Variants in SPTBN5 observed in about 807,000 individuals in gnomAD.
SPTBN5 encodes spectrin beta, non-erythrocytic 5.
SPTBN5 carries 513 observed loss-of-function variants against 477.6 expected under a neutral mutation model. That is an observed-to-expected ratio of 1.07 (90% CI 1.00 to 1.16). SPTBN5 has a LOEUF of 1.16. SPTBN5 is among the 50% of genes most tolerant of loss of function. SPTBN5 has a pLI of 0.00. For synonymous variants in SPTBN5, 2,169 were observed against 2,011.7 expected, an observed-to-expected ratio of 1.08 and a Z score of -2.09; for missense variants, 5,062 against 4,731.8, an observed-to-expected ratio of 1.07 and a Z score of -2.05.
chr15:41,888,280 A>G (rs1447454710), intron 4 of SPTBN5, among the ~76,000 whole-genome samples, 195 bp from the exon 5 acceptor site: 1 of 152,212 alleles, frequency 6.6e-6, no homozygotes, highest in Non-Finnish European at 1.5e-5. Flanking sequence ...TGGGGGTGAG[A>G]GTGACTGGCC....
Position 41,853,656 on chromosome 15 carries a change from C to A in SPTBN5, c.9906G>T (p.Lys3302Asn). The change falls in exon 58 of 68, where the codon AAG becomes AAT. Residue 3302 changes from lysine to asparagine, a missense_variant. Lys to Asn is a moderately conservative substitution (Grantham distance 94). Transcript: ENST00000320955. ...CCAGCCACTGGCCTCGCTCCTGGGC[C>A]TTCGCCTGCAGGGTGGCCCAGGCCT... ...VQEAWATLQA[K>N]AQERGQWLAQ... 1.9e-6 allele frequency: 3 copies of A among 1,599,264 alleles called. No homozygotes were observed. The highest frequency in any genetic ancestry group is 4.5e-5 in the East Asian group (2 of 44,604).
rs555207594 is a variant in SPTBN5, at chr15:41,882,139, C to T, written c.2254G>A (p.Ala752Thr). The T allele has an allele frequency of 1.4e-5, 22 of 1,572,104 alleles. No individual in the cohort carries two copies. In the African/African-American group the frequency reaches 2.9e-4, roughly 21 times the overall value. Residue 752 changes from alanine (A) to threonine (T), a missense_variant, in exon 12 of 68, where the codon GCG becomes ACG. By Grantham distance (58) the Ala-to-Thr change is moderately conservative (BLOSUM62 0). Transcript: ENST00000320955. ...CACGAAGCCGCCTCCGCCGCGTCCG[C>T]GAAGTACTGTGGGAGGGGGTCGGGG... ...QTALLVLQYF[A>T]DAAEAASWLR...
At chr15:41,859,960 G>T (rs1398877972) in intron 47 of SPTBN5, among the ~76,000 whole-genome samples, 1 of 152,210 alleles carries the variant, frequency 6.6e-6, no homozygotes, top group Non-Finnish European at 1.5e-5. Flanking sequence ...GACCGTATCT[G>T]CCTTGATCTA....
chr15:41,890,618 G>C lies in SPTBN5; in HGVS notation c.385-413C>G, dbSNP rs541329972. ...TCCCAGGGTGTCCTGGGATCTTCAGGGGGTGGCTGGGTCCCTGGGCTCACA... is the reference window on the plus strand; with the variant it reads ...TCCCAGGGTGTCCTGGGATCTTCAGCGGGTGGCTGGGTCCCTGGGCTCACA... On this transcript the variant is annotated intron_variant, in intron 3 of 67. Transcript: ENST00000320955. Among the ~76,000 whole-genome samples, 12 of 152,348 alleles carry C rather than the reference G, an allele frequency of 7.9e-5. No individual in the cohort carries two copies. In the East Asian group the frequency reaches 1.5e-3, roughly 20 times the overall value.
At position 41,851,265 on chromosome 15, in the gene SPTBN5, C is replaced by A; in HGVS notation, c.10743+18G>T. The A allele has an allele frequency of 6.4e-7, 1 of 1,551,522 alleles. No individual in the cohort carries two copies. The highest frequency in any genetic ancestry group is 1.2e-5 in the South Asian group (1 of 84,102). On this transcript the variant is annotated intron_variant, in intron 64 of 67. Transcript: ENST00000320955. ...CCCAGCACCCTGATGTCTGCATCTCCCCTACCCCGCCTGGTACCTCCGCTG... is the reference window on the plus strand; with the variant it reads ...CCCAGCACCCTGATGTCTGCATCTCACCTACCCCGCCTGGTACCTCCGCTG...
Position 41,869,993 on chromosome 15 carries a change from T to C in SPTBN5, c.5701A>G (p.Arg1901Gly). 1 of 1,518,348 alleles carries C rather than the reference T, an allele frequency of 6.6e-7. No homozygotes were observed. Among genetic ancestry groups the C allele is most frequent in the African/African-American group, 1.4e-5 (1 of 71,604 alleles). 94.1% of individuals were successfully genotyped at this position (1,518,348 alleles called of 1,614,324 possible). A position where few individuals can be genotyped will look rare whatever the true frequency, so the allele number is the denominator to read the frequency against. ...QLQELLETAG[R>G]VQKLCPGPQA... ...GGCCCCGGACACAGCTTCTGCACCC[T>C]GCCTGCAGTCTCCAGCAGTTCCTGC... Residue 1901 changes from arginine (R) to glycine (G), a missense_variant, in exon 32 of 68, where the codon AGG (arginine) becomes GGG (glycine). Coordinates refer to ENST00000320955, the MANE Select transcript of SPTBN5 (RefSeq NM_016642.4).
chr15:41,893,474 G>A lies in SPTBN5; in HGVS notation c.24C>T (p.Pro8=). 1 of 1,594,188 alleles carries A rather than the reference G, an allele frequency of 6.3e-7. No individual in the cohort carries two copies. Among genetic ancestry groups the A allele is most frequent in the East Asian group, 2.3e-5 (1 of 44,340 alleles). Residue 8 remains proline (P), a synonymous_variant, in exon 2 of 68, where the codon CCC becomes CCT. Coordinates refer to ENST00000320955, the MANE Select transcript of SPTBN5 (RefSeq NM_016642.4). MAGQPHS[P]RELLGAAGHR... is the part of the protein sequence containing the mutation. ...GCCCTGCAGCCCCGAGGAGCTCCCG[G>A]GGACTGTGGGGCTGACCAGCCATCA...
At chr15:41,864,109 T>A in intron 39 of SPTBN5, 85 bp from the exon 40 acceptor site, 1 of 1,242,770 alleles carries the variant, frequency 8.0e-7, no homozygotes, top group Non-Finnish European at 1.1e-6. Flanking sequence ...AAAGCATGCC[T>A]GGGCCCCGGA....
In SPTBN5 at chr15:41,853,578, C is replaced by G. The variant is rs769038251; in HGVS notation, c.9980+4G>C. Reference sequence around the variant, plus strand: ...TGAGCCGGCAGCTGAGGTAGGACACCTACAGCAGTTCCTGGCAGCGCCCGA... The same window carrying G: ...TGAGCCGGCAGCTGAGGTAGGACACGTACAGCAGTTCCTGGCAGCGCCCGA... On this transcript the variant is annotated splice_donor_region_variant and intron_variant, in intron 58 of 67. Coordinates refer to ENST00000320955, the MANE Select transcript of SPTBN5 (RefSeq NM_016642.4). 1 of 1,568,168 alleles carries G rather than the reference C, an allele frequency of 6.4e-7. No homozygotes were observed. Among genetic ancestry groups the G allele is most frequent in the South Asian group, 1.1e-5 (1 of 87,610 alleles).
At chr15:41,854,997 G>A in intron 55 of SPTBN5, 21 bp from the exon 56 acceptor site, 1 of 1,521,566 alleles carries the variant, frequency 6.6e-7, no homozygotes, top group Non-Finnish European at 8.8e-7. Context: ...ATGAGGCCCA[G>A]CAGGGTCACT....
At chr15:41,882,929 G>A in intron 9 of SPTBN5, 67 bp downstream of exon 9, 3 of 1,447,760 alleles carry the variant, frequency 2.1e-6, no homozygotes, top group Non-Finnish European at 2.8e-6. Flanking sequence ...ACTTTAACCT[G>A]GGCAGGAGAT....
In SPTBN5 at chr15:41,869,734, A is replaced by G. The variant is rs537622676; in HGVS notation, c.5853+107T>C. ...TGCTCGTGCTCTCCCACCCAAGTCC[A>G]TGCTTGTTCTCCCTCCGGAGCTGGA... is the stretch of plus-strand genomic sequence containing the variant. On this transcript the variant is annotated intron_variant, in intron 32 of 67. Coordinates refer to ENST00000320955, the MANE Select transcript of SPTBN5 (RefSeq NM_016642.4). 6.0e-5 allele frequency: 73 copies of G among 1,220,510 alleles called. 1 individual carries two copies. In the South Asian group the frequency reaches 1.4e-3, roughly 23 times the overall value. 75.6% of individuals were successfully genotyped at this position (1,220,510 alleles called of 1,614,324 possible).
intron 3 of SPTBN5, among the ~76,000 whole-genome samples, chr15:41,892,216 G>A (rs1191178868): frequency 6.6e-6 from 1 of 152,204 alleles, no homozygotes; most frequent in Non-Finnish European, 1.5e-5. Flanking sequence ...GCCCAGCTCA[G>A]TGACTTCACA....
rs377559440 is a variant in SPTBN5, at chr15:41,868,629, C to T, written c.5854-28G>A. On this transcript the variant is annotated intron_variant, in intron 32 of 67. Transcript: ENST00000320955. Reference sequence around the variant, plus strand: ...GATCCCGGGGACACGGAGGGAGAGCCGGGTGAGGGCTGGGCTGGGCAGCAG... The same window carrying T: ...GATCCCGGGGACACGGAGGGAGAGCTGGGTGAGGGCTGGGCTGGGCAGCAG... The T allele has an allele frequency of 2.5e-5, 39 of 1,590,472 alleles. No homozygotes were observed. In the Admixed American group the frequency reaches 3.7e-4, roughly 15 times the overall value.
At position 41,854,968 on chromosome 15, in the gene SPTBN5, T is replaced by C; in HGVS notation, c.9432A>G (p.Glu3144=). 1 of 1,542,914 alleles carries C rather than the reference T, an allele frequency of 6.5e-7. No homozygotes were observed. Among genetic ancestry groups the C allele is most frequent in the South Asian group, 1.2e-5 (1 of 80,606 alleles). The change falls in exon 56 of 68, where the codon GAA becomes GAG. Residue 3144 remains glutamate (E), a synonymous_variant. Coordinates refer to ENST00000320955, the MANE Select transcript of SPTBN5 (RefSeq NM_016642.4). ...CCTTTCTGAAAGCATCAAACTTCTC[T>C]TCCAGCACCTGCAAAGGTATGAGGC... ...GQDLEGVKVL[E]EKFDAFRKEV...
chr15:41,887,848 A>G (rs2067202952), intron 5 of SPTBN5, 80 bp downstream of exon 5: 2 of 1,407,784 alleles, frequency 1.4e-6, no homozygotes, highest in Non-Finnish European at 9.7e-7. Context: ...GGGATGTGGG[A>G]GAACGGGTGG....
At position 41,857,567 on chromosome 15, in the gene SPTBN5, C is replaced by T; in HGVS notation, c.8364+6G>A. 6.2e-7 allele frequency: 1 copy of T among 1,609,010 alleles called. No homozygotes were observed. Among genetic ancestry groups the T allele is most frequent in the Admixed American group, 1.7e-5 (1 of 59,626 alleles). ...GCCAGCCACCCCTCGGCCTGCACAA[C>T]CTCACCTCACAGGCCTTCTGGAGCT... On this transcript the variant is annotated splice_donor_region_variant and intron_variant, in intron 50 of 67. Coordinates refer to ENST00000320955, the MANE Select transcript of SPTBN5 (RefSeq NM_016642.4).
At position 41,866,018 on chromosome 15, in the gene SPTBN5, C is replaced by T; in HGVS notation, c.6822+20G>A. On this transcript the variant is annotated intron_variant, in intron 38 of 67. Coordinates refer to ENST00000320955, the MANE Select transcript of SPTBN5 (RefSeq NM_016642.4). ...GGCTCCTCCCCCCATCTCTCAGCCC[C>T]CACCCAGCTGGGGCTACACCTTCTC... is the stretch of plus-strand genomic sequence containing the variant. 1 of 1,550,152 alleles carries T rather than the reference C, an allele frequency of 6.5e-7. No homozygotes were observed. The highest frequency in any genetic ancestry group is 8.7e-7 in the Non-Finnish European group (1 of 1,147,116).
chr15:41,859,549 T>C (rs2066033248), intron 47 of SPTBN5, among the ~76,000 whole-genome samples: 2 of 151,962 alleles, frequency 1.3e-5, no homozygotes, highest in South Asian at 4.2e-4. Context: ...GAAAATGAGG[T>C]CATATGGGTG....
Sources: gnomAD v4.1 joint callset for allele counts (sites outside exome capture counted in the v4.1 genomes callset) on GRCh38, gnomAD v4.1.1 for gene constraint, MANE v1.5 for transcripts, NCBI Gene and HGNC (gene_info 2026-07-23, HGNC 2026-07-21) for gene names.